Variants in TRMT10A observed in about 807,000 individuals in gnomAD.
TRMT10A encodes tRNA methyltransferase 10 homolog A.
Under a neutral mutation model 40.4 loss-of-function variants are expected in TRMT10A, and 37 were observed. The observed-to-expected ratio is 0.92, with a 90% confidence interval of 0.71 to 1.21. TRMT10A has a LOEUF of 1.21. TRMT10A is among the 50% of genes most tolerant of loss of function. The pLI is 0.00. For synonymous variants in TRMT10A, 103 were observed against 134.1 expected (o/e 0.77, Z 1.60); for missense variants, 388 against 404.3 (o/e 0.96, Z 0.35).
chr4:99,552,126 A>G (rs1370487659), intron 6 of TRMT10A, among the ~76,000 whole-genome samples: 1 of 152,126 alleles, frequency 6.6e-6, no homozygotes, highest in Non-Finnish European at 1.5e-5. Context: ...TTAATTCATT[A>G]TTGAAGAAAA....
chr4:99,549,450 G>T, intron 7 of TRMT10A, 94 bp from the exon 8 acceptor site: 4 of 1,473,660 alleles, frequency 2.7e-6, no homozygotes, highest in Non-Finnish European at 3.7e-6. Flanking sequence ...TGTTAAGAGT[G>T]CTAGTTTGTC....
At chr4:99,557,845 GAC>G (rs1209754083) in intron 3 of TRMT10A, 14 of 513,460 alleles carry the variant, frequency 2.7e-5, no homozygotes, top group Non-Finnish European at 4.0e-5. Flanking sequence ...CACACATACT[GAC>G]ACACACACAT....
intron 5 of TRMT10A, among the ~76,000 whole-genome samples, chr4:99,555,089 A>C (rs1452783942): frequency 6.6e-6 from 1 of 152,196 alleles, no homozygotes; most frequent in African/African-American, 2.4e-5. Context: ...AATGAATCTC[A>C]AGTCTCTCTG....
In TRMT10A at chr4:99,549,282, T is replaced by TCC. The variant is rs1173486967; in HGVS notation, c.824_825dup (p.Lys276GlyfsTer42). On this transcript the variant is annotated frameshift_variant, in exon 8 of 8. Transcript: ENST00000394876. LOFTEE classifies it low-confidence loss of function (END_TRUNC). Reference sequence around the variant, plus strand: ...GCTTTGTCTGTGGGAACAGCTCCTTTCCGTTGGGGCAAGATAGTAAAAAAT... The same window carrying TCC: ...GCTTTGTCTGTGGGAACAGCTCCTTTCCCCGTTGGGGCAAGATAGTAAAAAAT... The TCC allele has an allele frequency of 2.1e-5, 34 of 1,614,046 alleles. No individual in the cohort carries two copies. Among genetic ancestry groups the TCC allele is most frequent in the Non-Finnish European group, 2.9e-5 (34 of 1,179,996 alleles).
intron 2 of TRMT10A, 62 bp from the exon 3 acceptor site, chr4:99,558,273 C>G: frequency 7.6e-7 from 1 of 1,308,014 alleles, no homozygotes; most frequent in Non-Finnish European, 1.0e-6. Flanking sequence ...CAAGACTCTT[C>G]TAAATAAACA....
In TRMT10A at chr4:99,558,210, G is replaced by T; in HGVS notation, c.187C>A (p.Gln63Lys). Residue 63 changes from glutamine (Q) to lysine (K), a missense_variant and splice_region_variant, in exon 3 of 8, where the codon CAA becomes AAA. Transcript: ENST00000394876. ...CTCTTGCGTTTTTCTTTTCGCTTTT[G>T]TCTAAAATTAGTAATTGAAATAACA... is the stretch of plus-strand genomic sequence containing the variant. ...QWEEQRELRKQKRKEKRKRKK... is the reference protein window; with the variant it reads ...QWEEQRELRKKKRKEKRKRKK... 6.3e-7 allele frequency: 1 copy of T among 1,590,344 alleles called. No individual in the cohort carries two copies. The highest frequency in any genetic ancestry group is 8.5e-7 in the Non-Finnish European group (1 of 1,172,388).
intron 1 of TRMT10A, 76 bp downstream of exon 1, chr4:99,563,837 C>T (rs1018302515): frequency 3.0e-6 from 2 of 658,032 alleles, no homozygotes; most frequent in African/African-American, 1.8e-5. Flanking sequence ...TAGTAGGGGG[C>T]TGCATGGCAC....
rs1724578816 is a variant in TRMT10A, at chr4:99,563,940, A to T, written c.-51T>A. ...AGCTGAAGAGTTGACAGGGAAGTGA[A>T]ATCTCAGAAAGAAAGCCTTTCTGGG... On this transcript the variant is annotated 5_prime_UTR_variant, in exon 1 of 8. Transcript: ENST00000394876. The T allele has an allele frequency of 4.5e-6, 4 of 895,270 alleles. No individual in the cohort carries two copies. The allele number at this position is 895,270 out of a possible 1,614,324, so 55.5% of individuals were successfully genotyped here.
In TRMT10A at chr4:99,553,976, T is replaced by G. The variant is rs369185016; in HGVS notation, c.496-42A>C. ...AAAGAGGTTACTAATTAATAAGACCTTATGAAAGTTGGCTAAAAATGATTA... is the reference window on the plus strand; with the variant it reads ...AAAGAGGTTACTAATTAATAAGACCGTATGAAAGTTGGCTAAAAATGATTA... On this transcript the variant is annotated intron_variant, in intron 5 of 7. Transcript: ENST00000394876. The G allele has an allele frequency of 4.5e-6, 7 of 1,572,426 alleles. No individual in the cohort carries two copies. The African/African-American group carries it at 9.6e-5, about 22-fold the overall frequency.
At chr4:99,563,847 C>T in intron 1 of TRMT10A, 66 bp downstream of exon 1, 1 of 670,606 alleles carries the variant, frequency 1.5e-6, no homozygotes, top group Non-Finnish European at 2.7e-6. Flanking sequence ...CTGCATGGCA[C>T]GCGCCCCTTT....
At chr4:99,562,844 G>A (rs1243449031) in intron 1 of TRMT10A, among the ~76,000 whole-genome samples, 2 of 147,906 alleles carry the variant, frequency 1.4e-5, no homozygotes, top group Non-Finnish European at 3.0e-5. Context: ...TGTTTGAGAC[G>A]GAGTTTCGCT....
chr4:99,562,186 ATT>A (rs1491545778), intron 1 of TRMT10A, among the ~76,000 whole-genome samples: 42 of 93,432 alleles, frequency 4.5e-4, no homozygotes, highest in African/African-American at 1.8e-3. Flanking sequence ...AAAAAAAAAA[ATT>A]ATATATATAT....
intron 1 of TRMT10A, 111 bp downstream of exon 1, chr4:99,563,802 C>T (rs1184792237): frequency 8.3e-6 from 5 of 600,616 alleles, no homozygotes; most frequent in Middle Eastern, 5.3e-4. Flanking sequence ...CCACTGCTCC[C>T]CTCTCCCCCG....
At position 99,558,181 on chromosome 4, in the gene TRMT10A, T is replaced by G. The variant is rs1444669778; in HGVS notation, c.216A>C (p.Lys72Asn). The stretch of plus-strand genomic sequence containing the variant: ...CCATTTGACATTGTCGCTCTAATTT[T>G]TTCCTCTTGCGTTTTTCTTTTCGCT... ...KQKRKEKRKR[K>N]KLERQCQMEP... is the part of the protein sequence containing the mutation. Residue 72 changes from lysine to asparagine, a missense_variant, in exon 3 of 8, where the codon AAA becomes AAC. Physicochemically the swap from Lys to Asn is moderately conservative, Grantham distance 94 (BLOSUM62 0). Transcript: ENST00000394876. The G allele has an allele frequency of 5.0e-6, 8 of 1,599,676 alleles. No homozygotes were observed. Among genetic ancestry groups the G allele is most frequent in the Non-Finnish European group, 6.8e-6 (8 of 1,176,316 alleles).
At chr4:99,557,284 G>A in intron 4 of TRMT10A, 61 bp downstream of exon 4, 1 of 1,488,838 alleles carries the variant, frequency 6.7e-7, no homozygotes, top group Non-Finnish European at 9.3e-7. Context: ...AATTATCTAT[G>A]TCTTTTGCCA....
At chr4:99,556,334 CTCAT>C in intron 4 of TRMT10A, 114 bp from the exon 5 acceptor site, 1 of 989,220 alleles carries the variant, frequency 1.0e-6, no homozygotes, top group Non-Finnish European at 1.5e-6. Context: ...TATATTTATT[CTCAT>C]TCATCTAGAA....
intron 6 of TRMT10A, among the ~76,000 whole-genome samples, chr4:99,552,305 T>C (rs755919894): frequency 2.0e-5 from 3 of 152,156 alleles, no homozygotes; most frequent in Non-Finnish European, 2.9e-5. Flanking sequence ...TATACATGTA[T>C]ACCACGTATA....
intron 7 of TRMT10A, among the ~76,000 whole-genome samples, chr4:99,550,265 C>T (rs1000676283): frequency 1.3e-5 from 2 of 152,316 alleles, no homozygotes; most frequent in South Asian, 2.1e-4. Flanking sequence ...ACATGGCTCA[C>T]GGCAGCCTCC....
At chr4:99,549,486 T>C in intron 7 of TRMT10A, 130 bp from the exon 8 acceptor site, 2 of 1,219,562 alleles carry the variant, frequency 1.6e-6, no homozygotes, top group Admixed American at 2.5e-5. Context: ...TTCTTAGCTC[T>C]TCTTTCTATT....
Sources: gnomAD v4.1 joint callset for allele counts (sites outside exome capture counted in the v4.1 genomes callset) on GRCh38, gnomAD v4.1.1 for gene constraint, MANE v1.5 for transcripts, NCBI Gene and HGNC (gene_info 2026-07-23, HGNC 2026-07-21) for gene names.